The following NGF variants were observed in gnomAD, a reference collection of about 807,000 sequenced individuals.
The protein encoded by NGF is beta-nerve growth factor.
In NGF, 4 loss-of-function variants were observed where a neutral mutation model predicts 12.8. That is an observed-to-expected ratio of 0.31 (90% confidence interval 0.15 to 0.72). NGF has a LOEUF of 0.72. NGF is among the 30% of genes least tolerant of loss of function. The probability of loss-of-function intolerance (pLI) is 0.69; values close to 1 mark genes in which losing one functional copy is unlikely to be tolerated. For synonymous variants in NGF, 140 were observed against 130.0 expected, an observed-to-expected ratio of 1.08 and a Z score of -0.52; for missense variants, 283 against 330.8, an observed-to-expected ratio of 0.86 and a Z score of 1.12.
chr1:115,337,267 G>GTTTGTTTTTTTTT lies in NGF; in HGVS notation c.-137+936_-137+937insAAAAAAAAACAAA. Among the ~76,000 whole-genome samples the GTTTGTTTTTTTTT allele has an allele frequency of 2.7e-3, 222 of 81,026 alleles. 22 individuals are homozygous for GTTTGTTTTTTTTT. The highest frequency in any genetic ancestry group is 5.2e-3 in the South Asian group (13 of 2,496). The allele number at this position is 81,026 out of a possible 152,430, so 53.2% of individuals were successfully genotyped here. A position where few individuals can be genotyped will look rare whatever the true frequency, so the allele number is the denominator to read the frequency against. On this transcript the variant is annotated intron_variant, in intron 1 of 2. Transcript: ENST00000369512. ...TCGAAATTTTTTTTGTTTTGTTTTT[G>GTTTGTTTTTTTTT]TTTTTTTTTTTTTTTTTTTTTTTTT...
Position 115,337,277 on chromosome 1 carries a change from T to G in NGF, c.-137+927A>C, listed in dbSNP as rs935875215. Among the ~76,000 whole-genome samples the G allele has an allele frequency of 1.5e-3, 111 of 75,482 alleles. 8 individuals carry two copies. The highest frequency in any genetic ancestry group is 4.8e-3 in the East Asian group (9 of 1,864). 49.5% of individuals were successfully genotyped at this position (75,482 alleles called of 152,430 possible). A position where few individuals can be genotyped will look rare whatever the true frequency, so the allele number is the denominator to read the frequency against. On this transcript the variant is annotated intron_variant, in intron 1 of 2. Transcript: ENST00000369512. ...TTTTGTTTTGTTTTTGTTTTTTTTT[T>G]TTTTTTTTTTTTTTTTTTTTTTTTT...
At chr1:115,328,820 G>C (rs1191163393) in intron 1 of NGF, among the ~76,000 whole-genome samples, 1 of 152,112 alleles carries the variant, frequency 6.6e-6, no homozygotes, top group Non-Finnish European at 1.5e-5. Context: ...GTGCCCCTTG[G>C]ACAATTACTG....
intron 1 of NGF, among the ~76,000 whole-genome samples, chr1:115,306,913 C>G (rs1054455440): frequency 6.6e-6 from 1 of 152,234 alleles, no homozygotes. Context: ...CCTATCACCA[C>G]TGGGCACTAT....
At chr1:115,313,731 A>G (rs1313806698) in intron 1 of NGF, among the ~76,000 whole-genome samples, 1 of 152,212 alleles carries the variant, frequency 6.6e-6, no homozygotes, top group Non-Finnish European at 1.5e-5. Context: ...GTAACATTCT[A>G]TTGCCATGAG....
intron 1 of NGF, among the ~76,000 whole-genome samples, chr1:115,329,260 A>G (rs1307400381): frequency 1.3e-5 from 2 of 152,216 alleles, no homozygotes; most frequent in Non-Finnish European, 2.9e-5. Flanking sequence ...TCATACATCT[A>G]TGTATGTACT....
intron 1 of NGF, among the ~76,000 whole-genome samples, chr1:115,320,266 GT>G (rs1468550948): frequency 6.6e-6 from 1 of 152,044 alleles, no homozygotes; most frequent in Admixed American, 6.6e-5. Flanking sequence ...TATACACTAT[GT>G]TTTTTTCCCC....
chr1:115,324,919 CAAT>C (rs745961715), intron 1 of NGF, among the ~76,000 whole-genome samples: 2 of 152,148 alleles, frequency 1.3e-5, no homozygotes, highest in Admixed American at 6.5e-5. Flanking sequence ...ATGGGTCCCT[CAAT>C]AAACACAGCA....
rs545882038 is a variant in NGF at position 115,302,659 on chromosome 1, C to T, written c.-136-8909G>A. ...GCCTCTGTCTGTAAAGGAAGCTGCA[C>T]CTCAAAGGCCCTCCAGGGACTCTTT... is the stretch of plus-strand genomic sequence containing the variant. On this transcript the variant is annotated intron_variant, in intron 1 of 2. Transcript: ENST00000369512. Among the ~76,000 whole-genome samples, 5 of 152,324 alleles carry T rather than the reference C, an allele frequency of 3.3e-5. No homozygotes were observed. The South Asian group carries it at 8.3e-4, about 25-fold the overall frequency.
intron 1 of NGF, among the ~76,000 whole-genome samples, chr1:115,330,536 C>T (rs1228742648): frequency 6.6e-6 from 1 of 152,164 alleles, no homozygotes; most frequent in African/African-American, 2.4e-5. Flanking sequence ...GTGAATACAA[C>T]CAGGATCTGA....
chr1:115,326,756 C>T (rs1352836589), intron 1 of NGF, among the ~76,000 whole-genome samples: 1 of 152,144 alleles, frequency 6.6e-6, no homozygotes, highest in East Asian at 1.9e-4. Flanking sequence ...GTCAAGATCC[C>T]TCATGCAACT....
chr1:115,328,138 T>C (rs1438277139), intron 1 of NGF, among the ~76,000 whole-genome samples: 1 of 143,842 alleles, frequency 7.0e-6, no homozygotes, highest in Non-Finnish European at 1.5e-5. Context: ...GCGGTGAAAA[T>C]GGGGCCCAGT....
chr1:115,327,179 T>C (rs939525152), intron 1 of NGF, among the ~76,000 whole-genome samples: 7 of 152,246 alleles, frequency 4.6e-5, no homozygotes, highest in African/African-American at 1.4e-4. Context: ...AATAGGTTCA[T>C]AGTCGTTTAA....
chr1:115,331,003 G>A (rs1293067750), intron 1 of NGF, among the ~76,000 whole-genome samples: 1 of 152,094 alleles, frequency 6.6e-6, no homozygotes, highest in Non-Finnish European at 1.5e-5. Flanking sequence ...GGCAGCAGAG[G>A]AGAAAAATAA....
At chr1:115,290,465 G>A (rs957541968) in intron 2 of NGF, among the ~76,000 whole-genome samples, 10 of 139,924 alleles carry the variant, frequency 7.1e-5, no homozygotes, top group East Asian at 2.1e-4. Flanking sequence ...GCTTGATCTC[G>A]GCTCACTGCA....
chr1:115,286,887 G>T, intron 2 of NGF, 80 bp from the exon 3 acceptor site: 1 of 1,542,692 alleles, frequency 6.5e-7, no homozygotes, highest in Non-Finnish European at 8.9e-7. Context: ...CCTCAGAGTT[G>T]ACCTCCCAAG....
At chr1:115,335,900 G>T (rs1655097539) in intron 1 of NGF, among the ~76,000 whole-genome samples, 1 of 152,186 alleles carries the variant, frequency 6.6e-6, no homozygotes, top group Non-Finnish European at 1.5e-5. Context: ...AAAAAGTAAA[G>T]TTGTGTGATT....
chr1:115,296,699 C>T (rs919727764), intron 1 of NGF, among the ~76,000 whole-genome samples: 21 of 152,208 alleles, frequency 1.4e-4, no homozygotes, highest in African/African-American at 5.1e-4. Context: ...CAGTTTACTA[C>T]TGCAGAGAGA....
chr1:115,333,863 T>TC, intron 1 of NGF, among the ~76,000 whole-genome samples: 1 of 151,728 alleles, frequency 6.6e-6, no homozygotes, highest in Non-Finnish European at 1.5e-5. Flanking sequence ...TTCTTTTTTT[T>TC]CCCTCATTTG....
intron 2 of NGF, among the ~76,000 whole-genome samples, chr1:115,290,527 C>G (rs1653661360): frequency 6.6e-6 from 1 of 150,472 alleles, no homozygotes; most frequent in African/African-American, 2.4e-5. Context: ...TCCTGAGTAG[C>G]TGGGACTACA....
Sources: gnomAD v4.1 joint callset for allele counts (sites outside exome capture counted in the v4.1 genomes callset) on GRCh38, gnomAD v4.1.1 for gene constraint, MANE v1.5 for transcripts, NCBI Gene and HGNC (gene_info 2026-07-23, HGNC 2026-07-21) for gene names.